Variants in ZSCAN12 observed in about 807,000 individuals in gnomAD.
ZSCAN12 encodes the protein zinc finger and SCAN domain-containing protein 12.
A neutral mutation model predicts 23.4 loss-of-function variants in ZSCAN12; 18 were observed. The observed-to-expected ratio is 0.77, with a 90% CI of 0.53 to 1.14. The LOEUF (loss-of-function observed/expected upper bound fraction) is 1.14, where lower values mean the gene tolerates loss of function less well. Among genes scored for constraint, ZSCAN12 ranks in the 50% most tolerant of loss-of-function variants. ZSCAN12 has a pLI of 0.00. For synonymous variants in ZSCAN12, 186 were observed against 253.4 expected (o/e 0.73, Z 2.53); for missense variants, 650 against 735.0 (o/e 0.88, Z 1.34).
At position 28,398,410 on chromosome 6, in the gene ZSCAN12, G is replaced by C. The variant is rs1415220257; in HGVS notation, c.-5C>G. On this transcript the variant is annotated 5_prime_UTR_variant, in exon 2 of 4. Transcript: ENST00000684592. ...GATAGCCCAAGTAGATGCCATTTTA[G>C]CTGTGCTAGAACTACCGGTGTTTCA... is the stretch of plus-strand genomic sequence containing the variant. 6.5e-7 allele frequency: 1 copy of C among 1,540,420 alleles called. No individual in the cohort carries two copies. The highest frequency in any genetic ancestry group is 2.0e-5 in the Admixed American group (1 of 50,242).
At chr6:28,393,764 G>C (rs1760980474) in intron 2 of ZSCAN12, among the ~76,000 whole-genome samples, 1 of 151,038 alleles carries the variant, frequency 6.6e-6, no homozygotes, top group African/African-American at 2.4e-5. Context: ...AGGTTGAAGG[G>C]AACAAATGAG....
At chr6:28,392,001 A>G (rs930049733) in intron 3 of ZSCAN12, among the ~76,000 whole-genome samples, 3 of 152,192 alleles carry the variant, frequency 2.0e-5, no homozygotes, top group Admixed American at 6.5e-5. Flanking sequence ...CGAGTAGAAT[A>G]GAAACTTTTC....
At position 28,385,819 on chromosome 6, in the gene ZSCAN12, A is replaced by G. The variant is rs745693028; in HGVS notation, c.*4635T>C. On this transcript the variant is annotated 3_prime_UTR_variant, in exon 4 of 4. Coordinates refer to ENST00000684592, the MANE Select transcript of ZSCAN12 (RefSeq NM_001163391.2). ...CAATAAGAACAGCTTTGTTTTGACT[A>G]TAACAACTCTACAAATAATCTGTAT... Among the ~76,000 whole-genome samples, 8 of 152,352 alleles carry G rather than the reference A, an allele frequency of 5.3e-5. No individual in the cohort carries two copies. Among genetic ancestry groups the G allele is most frequent in the African/African-American group, 1.4e-4 (6 of 41,588 alleles).
chr6:28,380,902 T>C (rs549165085), downstream of ZSCAN12: 15 of 153,710 alleles, frequency 9.8e-5, no homozygotes, highest in Non-Finnish European at 1.9e-4. Flanking sequence ...AATTCAAATG[T>C]CAGTTGTCTC....
At position 28,390,954 on chromosome 6, in the gene ZSCAN12, C is replaced by G; in HGVS notation, c.1336G>C (p.Glu446Gln). The change falls in exon 4 of 4, where the codon GAA becomes CAA. Residue 446 changes from glutamate to glutamine, a missense_variant. Transcript: ENST00000684592. ...HHKEKCYQCK[E>Q]CGKSFSQSGL... ...CTCTGACTGAAGGATTTCCCACATT[C>G]CTTACACTGATAGCATTTTTCTTTG... 1 of 1,557,390 alleles carries G rather than the reference C, an allele frequency of 6.4e-7. No homozygotes were observed. The highest frequency in any genetic ancestry group is 8.7e-7 in the Non-Finnish European group (1 of 1,150,134).
Position 28,391,164 on chromosome 6 carries a change from G to A in ZSCAN12, c.1126C>T (p.His376Tyr). ...TTGTCTCTTGTGTGGATCTTGATATGGTGAAAGAGGCCTGCTTTCTGACTA... is the reference window on the plus strand; with the variant it reads ...TTGTCTCTTGTGTGGATCTTGATATAGTGAAAGAGGCCTGCTTTCTGACTA... ...AFSQKAGLFH[H>Y]IKIHTRDKPY... The change falls in exon 4 of 4, where the codon CAT becomes TAT. Residue 376 changes from histidine to tyrosine, a missense_variant. Coordinates refer to ENST00000684592, the MANE Select transcript of ZSCAN12 (RefSeq NM_001163391.2). This position sits in a 1 kb window ranked among gnomAD's most constrained non-coding sequence, Gnocchi z 4.1. 6.4e-7 allele frequency: 1 copy of A among 1,551,352 alleles called. No homozygotes were observed. The highest frequency in any genetic ancestry group is 8.7e-7 in the Non-Finnish European group (1 of 1,146,842).
intron 2 of ZSCAN12, among the ~76,000 whole-genome samples, chr6:28,394,837 G>C (rs1761027387): frequency 6.6e-6 from 1 of 151,920 alleles, no homozygotes; most frequent in Non-Finnish European, 1.5e-5. Context: ...TTCTAGCACA[G>C]ACCCTTCCAC....
At chr6:28,393,736 CAAAA>C (rs60481063) in intron 2 of ZSCAN12, among the ~76,000 whole-genome samples, 2 of 90,780 alleles carry the variant, frequency 2.2e-5, no homozygotes. Flanking sequence ...ACTGTAGCTC[CAAAA>C]AAAAAAAAAA....
downstream of ZSCAN12, chr6:28,380,476 GC>G (rs1170783138): frequency 6.6e-6 from 1 of 152,670 alleles, no homozygotes; most frequent in Non-Finnish European, 1.5e-5. Flanking sequence ...AGGTTTCTTT[GC>G]TGAACAAAGG....
Position 28,390,822 on chromosome 6 carries a change from T to C in ZSCAN12, c.1468A>G (p.Ile490Val), listed in dbSNP as rs1760782590. The C allele has an allele frequency of 6.3e-7, 1 of 1,596,898 alleles. No individual in the cohort carries two copies. Among genetic ancestry groups the C allele is most frequent in the African/African-American group, 1.3e-5 (1 of 74,588 alleles). ...QRTSLTEHQRIHTGERPYKCD... is the reference protein window; with the variant it reads ...QRTSLTEHQRVHTGERPYKCD... Reference sequence around the variant, plus strand: ...TTATAGGGTCTTTCTCCAGTGTGAATTCGCTGATGTTCTGTAAGACTTGTC... The same window carrying C: ...TTATAGGGTCTTTCTCCAGTGTGAACTCGCTGATGTTCTGTAAGACTTGTC... The change falls in exon 4 of 4, where the codon ATT (isoleucine) becomes GTT (valine). Residue 490 changes from isoleucine to valine, a missense_variant. Coordinates refer to ENST00000684592, the MANE Select transcript of ZSCAN12 (RefSeq NM_001163391.2).
downstream of ZSCAN12, among the ~76,000 whole-genome samples, chr6:28,382,847 C>T (rs558442443): frequency 6.6e-6 from 1 of 152,054 alleles, no homozygotes; most frequent in African/African-American, 2.4e-5. Flanking sequence ...TTGGCTCCCC[C>T]CCACTTCAAA....
At chr6:28,380,040 A>G (rs1441703456), downstream of ZSCAN12, 1 of 152,200 alleles carries the variant, frequency 6.6e-6, no homozygotes, top group Non-Finnish European at 1.5e-5. Context: ...TGGAAGGGAA[A>G]AATAACTTCT....
In ZSCAN12 at chr6:28,390,565, A is replaced by G; in HGVS notation, c.1725T>C (p.His575=). The change falls in exon 4 of 4, where the codon CAT becomes CAC. Residue 575 remains histidine (H), a synonymous_variant. Coordinates refer to ENST00000684592, the MANE Select transcript of ZSCAN12 (RefSeq NM_001163391.2). ...RSDLSKHQRI[H]NRRGTYVCKE... is the part of the protein sequence containing the mutation. ...TACATACATAGGTACCACGTCTATTATGGATTCTCTGGTGTTTACTAAGAT... is the reference window on the plus strand; with the variant it reads ...TACATACATAGGTACCACGTCTATTGTGGATTCTCTGGTGTTTACTAAGAT... 1 of 1,586,924 alleles carries G rather than the reference A, an allele frequency of 6.3e-7. No homozygotes were observed. The highest frequency in any genetic ancestry group is 8.6e-7 in the Non-Finnish European group (1 of 1,166,330).
Position 28,391,047 on chromosome 6 carries a change from C to A in ZSCAN12, c.1243G>T (p.Glu415Ter). 1 of 1,556,214 alleles carries A rather than the reference C, an allele frequency of 6.4e-7. No individual in the cohort carries two copies. The stretch of plus-strand genomic sequence containing the variant: ...AAGGCTTTTCCACACTCGTTGCACT[C>A]ATACGGCTTGGCGCCGGTATGAACT... ...QGVHTGAKPY[E>*]CNECGKAFVY... Residue 415 changes from glutamate to a stop codon, truncating the protein, a stop_gained, in exon 4 of 4, where the codon GAG (glutamate) becomes TAG (stop). Coordinates refer to ENST00000684592, the MANE Select transcript of ZSCAN12 (RefSeq NM_001163391.2). LOFTEE classifies it low-confidence loss of function (END_TRUNC). The surrounding 1 kb of genome is among the most constrained non-coding windows in gnomAD (Gnocchi z 4.1).
chr6:28,391,865 A>G lies in ZSCAN12; in HGVS notation c.548-123T>C, dbSNP rs1032063845. ...CTACCATCTTAGTGATAAAGAGAGC[A>G]AAATATATTTGTTTCAATATGGAAA... On this transcript the variant is annotated intron_variant, in intron 3 of 3. Coordinates refer to ENST00000684592, the MANE Select transcript of ZSCAN12 (RefSeq NM_001163391.2). The surrounding 1 kb of genome is among the most constrained non-coding windows in gnomAD (Gnocchi z 4.1). 2.5e-6 allele frequency: 2 copies of G among 801,840 alleles called. No homozygotes were observed. Among genetic ancestry groups the G allele is most frequent in the Admixed American group, 3.4e-5 (1 of 29,456 alleles). The allele number at this position is 801,840 out of a possible 1,614,324, so 49.7% of individuals were successfully genotyped here.
At chr6:28,395,820 T>A (rs909031770) in intron 2 of ZSCAN12, among the ~76,000 whole-genome samples, 10 of 152,222 alleles carry the variant, frequency 6.6e-5, no homozygotes, top group African/African-American at 2.4e-4. Flanking sequence ...GCCTGAATGC[T>A]GTTATCCCTG....
In ZSCAN12 at chr6:28,385,249, T is replaced by C. The variant is rs1760483934; in HGVS notation, c.*5205A>G. On this transcript the variant is annotated 3_prime_UTR_variant, in exon 4 of 4. Transcript: ENST00000684592. The stretch of plus-strand genomic sequence containing the variant: ...CTTATTCTGTGAGAATAATGCAGAG[T>C]GATTTATCATTCTAAGAAGGGTGAT... Among the ~76,000 whole-genome samples, 1 of 152,140 alleles carries C rather than the reference T, an allele frequency of 6.6e-6. No homozygotes were observed. The highest frequency in any genetic ancestry group is 1.5e-5 in the Non-Finnish European group (1 of 68,028).
In ZSCAN12 at chr6:28,389,053, G is replaced by C. The variant is rs1275287289; in HGVS notation, c.*1401C>G. On this transcript the variant is annotated 3_prime_UTR_variant, in exon 4 of 4. Coordinates refer to ENST00000684592, the MANE Select transcript of ZSCAN12 (RefSeq NM_001163391.2). ...CCCAAGGGATAGTATCTCTAATTTG[G>C]GGTCCTTTTATGTGCTCAAGAAGTA... is the stretch of plus-strand genomic sequence containing the variant. 6.6e-6 allele frequency among the ~76,000 whole-genome samples: 1 copy of C among 152,112 alleles called. No individual in the cohort carries two copies. The highest frequency in any genetic ancestry group is 1.5e-5 in the Non-Finnish European group (1 of 68,018).
downstream of ZSCAN12, chr6:28,379,816 G>A (rs1441761206): frequency 6.6e-6 from 1 of 151,850 alleles, no homozygotes; most frequent in Non-Finnish European, 1.5e-5. Flanking sequence ...AGACCAAAAA[G>A]AAAATAATAT....
Sources: allele counts gnomAD v4.1 joint callset (sites outside exome capture counted in the v4.1 genomes callset), GRCh38; gene constraint gnomAD v4.1.1; non-coding constraint Gnocchi (gnomAD v3.1); transcripts MANE v1.5; gene names NCBI Gene and HGNC (gene_info 2026-07-23, HGNC 2026-07-21).